The following RPS7 variants were observed in gnomAD, a reference collection of about 807,000 sequenced individuals.
RPS7 encodes the protein ribosomal protein S7, also known as small ribosomal subunit protein eS7.
In RPS7, 1 loss-of-function variant was observed where a neutral mutation model predicts 22.1. That is an observed-to-expected ratio of 0.05 (90% confidence interval 0.02 to 0.21). The LOEUF is 0.21. Ranked by LOEUF, RPS7 falls within the 10% of genes least tolerant of loss-of-function variation. The pLI is 1.00. For missense variants in RPS7, 137 were observed against 246.4 expected (o/e 0.56, Z 2.97); for synonymous variants, 80 against 92.0 (o/e 0.87, Z 0.74).
chr2:3,576,031 G>C (rs1236658220), intron 3 of RPS7, 143 bp downstream of exon 3: 1 of 717,882 alleles, frequency 1.4e-6, no homozygotes, highest in African/African-American at 1.7e-5. Context: ...CGTGTTGTTT[G>C]GGAGTGATAC....
chr2:3,575,933 T>G, intron 3 of RPS7, 45 bp downstream of exon 3: 3 of 1,424,676 alleles, frequency 2.1e-6, no homozygotes, highest in Non-Finnish European at 2.9e-6. Flanking sequence ...GCGGCGCGTC[T>G]CCCCGCGCAG....
chr2:3,578,967 C>T (rs753906284), intron 5 of RPS7: 5 of 152,174 alleles, frequency 3.3e-5, no homozygotes, highest in Admixed American at 1.3e-4. Context: ...TTTTCCAATC[C>T]GGCTTCCTGC....
intron 6 of RPS7, chr2:3,580,587 G>T (rs1661383264): frequency 3.2e-6 from 2 of 622,268 alleles, no homozygotes; most frequent in Non-Finnish European, 5.7e-6. Context: ...GGTGACTGCT[G>T]GGGTCCCCTG....
Position 3,575,323 on chromosome 2 carries a change from G to C in RPS7, c.-46G>C, listed in dbSNP as rs1025504459. 3 of 497,518 alleles carry C rather than the reference G, an allele frequency of 6.0e-6. No homozygotes were observed. In the East Asian group the frequency reaches 1.1e-4, roughly 18 times the overall value. 30.8% of individuals were successfully genotyped at this position (497,518 alleles called of 1,614,324 possible). On this transcript the variant is annotated 5_prime_UTR_variant, in exon 1 of 7. Transcript: ENST00000645674. ...TTTGACGTGCTCTCGCGAGATTTGG[G>C]TCTCTTCCTAAGCCGGCGCTCGGCA... is the stretch of plus-strand genomic sequence containing the variant.
chr2:3,575,708 G>C, intron 2 of RPS7, 24 bp downstream of exon 2: 1 of 1,608,266 alleles, frequency 6.2e-7, no homozygotes, highest in Middle Eastern at 2.1e-4. Flanking sequence ...CCTGGGGTCT[G>C]GGGTGGGGGG....
chr2:3,577,878 T>C (rs1572359314), intron 5 of RPS7, 104 bp downstream of exon 5: 1 of 798,238 alleles, frequency 1.3e-6, no homozygotes, highest in Non-Finnish European at 2.2e-6. Context: ...GTGGGAATTT[T>C]TGAGTAGCAG....
chr2:3,578,152 A>G (rs1661326826), intron 5 of RPS7: 1 of 183,460 alleles, frequency 5.5e-6, no homozygotes, highest in African/African-American at 2.4e-5. Context: ...AGGTAAAAAA[A>G]TGTAGGTGGA....
Position 3,580,897 on chromosome 2 carries a change from A to G in RPS7, c.*15A>G. On this transcript the variant is annotated 3_prime_UTR_variant, in exon 7 of 7. Transcript: ENST00000645674. ...TTCAATTGTAAACAAAAATGACTAA[A>G]TAAAAAGTATATATTCACAGTACTC... The G allele has an allele frequency of 7.3e-7, 1 of 1,360,716 alleles. No individual in the cohort carries two copies. Among genetic ancestry groups the G allele is most frequent in the Non-Finnish European group, 1.0e-6 (1 of 957,112 alleles). The allele number at this position is 1,360,716 out of a possible 1,614,324, so 84.3% of individuals were successfully genotyped here. A position where few individuals can be genotyped will look rare whatever the true frequency, so the allele number is the denominator to read the frequency against.
At chr2:3,576,072 ACCCTGCGGCTTAAGCTGT>A (rs1327841595) in intron 3 of RPS7, 184 bp downstream of exon 3, 1 of 651,836 alleles carries the variant, frequency 1.5e-6, no homozygotes. Context: ...GGTTGCAGGT[ACCCTGCGGCTTAAGCTGT>A]CCACATGCGG....
intron 5 of RPS7, 173 bp downstream of exon 5, chr2:3,577,947 A>T: frequency 3.3e-6 from 2 of 614,308 alleles, no homozygotes; most frequent in Non-Finnish European, 5.8e-6. Flanking sequence ...TGTAAAACAT[A>T]CATGTATTCA....
At chr2:3,580,609 G>A (rs1298914524) in intron 6 of RPS7, 196 bp from the exon 7 acceptor site, 10 of 625,194 alleles carry the variant, frequency 1.6e-5, no homozygotes, top group Non-Finnish European at 2.8e-5. Context: ...TGGCTTCCCC[G>A]GTGCAGTGGT....
At chr2:3,576,011 C>A (rs998241816) in intron 3 of RPS7, 123 bp downstream of exon 3, 2 of 769,670 alleles carry the variant, frequency 2.6e-6, no homozygotes, top group African/African-American at 3.4e-5. Flanking sequence ...AACCTGAACT[C>A]AGGTTCGGCC....
In RPS7 at chr2:3,577,706, A is replaced by G; in HGVS notation, c.292-4A>G. On this transcript the variant is annotated splice_region_variant and splice_polypyrimidine_tract_variant and intron_variant, in intron 4 of 6. Transcript: ENST00000645674. ...TTTGTTACATGATAATTTTTACCTT[A>G]CAGAGGAGAATTCTGCCTAAGCCAA... is the stretch of plus-strand genomic sequence containing the variant. 3 of 1,607,154 alleles carry G rather than the reference A, an allele frequency of 1.9e-6. No homozygotes were observed. Among genetic ancestry groups the G allele is most frequent in the African/African-American group, 1.3e-5 (1 of 74,884 alleles).
chr2:3,578,210 C>G (rs1172520436), intron 5 of RPS7: 4 of 161,394 alleles, frequency 2.5e-5, no homozygotes, highest in Non-Finnish European at 5.4e-5. Context: ...GTTGAAGATG[C>G]TGATGGAAAA....
chr2:3,577,158 A>C, intron 4 of RPS7: 1 of 191,414 alleles, frequency 5.2e-6, no homozygotes, highest in Non-Finnish European at 1.1e-5. Flanking sequence ...ACACGGTGAA[A>C]CCCCGTCTGT....
chr2:3,580,494 G>A (rs1345117373), intron 6 of RPS7: 1 of 646,104 alleles, frequency 1.5e-6, no homozygotes, highest in African/African-American at 1.8e-5. Context: ...TCTTTCTGTG[G>A]TCTTTTAGTT....
rs1292709485 is a variant in RPS7, at chr2:3,580,859, G to C, written c.562G>C (p.Glu188Gln). 6.3e-7 allele frequency: 1 copy of C among 1,574,910 alleles called. No homozygotes were observed. The highest frequency in any genetic ancestry group is 1.3e-5 in the African/African-American group (1 of 74,148). Residue 188 changes from glutamate (E) to glutamine (Q), a missense_variant, in exon 7 of 7, where the codon GAA becomes CAA. By Grantham distance (29) the Glu-to-Gln change is conservative. Coordinates refer to ENST00000645674, the MANE Select transcript of RPS7 (RefSeq NM_001011.4). Reference protein sequence around the residue: ...KKLTGKDVNFEFPEFQL With the variant: ...KKLTGKDVNFQFPEFQL ...GCTCACGGGCAAGGATGTTAATTTT[G>C]AATTCCCAGAGTTTCAATTGTAAAC...
At chr2:3,575,789 G>A (rs2147819245) in intron 2 of RPS7, 28 bp from the exon 3 acceptor site, 1 of 1,609,116 alleles carries the variant, frequency 6.2e-7, no homozygotes, top group South Asian at 1.1e-5. Flanking sequence ...CGCGCTCAGG[G>A]TCGGTCCTGC....
In RPS7 at chr2:3,575,884, C is replaced by T. The variant is rs1427022506; in HGVS notation, c.143C>T (p.Ala48Val). 5 of 1,606,426 alleles carry T rather than the reference C, an allele frequency of 3.1e-6. No individual in the cohort carries two copies. Among genetic ancestry groups the T allele is most frequent in the East Asian group, 4.5e-5 (2 of 44,736 alleles). Residue 48 changes from alanine to valine, a missense_variant, in exon 3 of 7, where the codon GCT becomes GTT. Ala to Val is a moderately conservative substitution (Grantham distance 64, BLOSUM62 0). Transcript: ENST00000645674. ...CTCAGGGAGCTGAATATTACGGCAG[C>T]TAAGGTAAGCTGGCGCTCCCTCGGC... ...AQLRELNITA[A>V]KEIEVGGGRK...
Sources: gnomAD v4.1 joint callset for allele counts on GRCh38, gnomAD v4.1.1 for gene constraint, MANE v1.5 for transcripts, NCBI Gene and HGNC (gene_info 2026-07-23, HGNC 2026-07-21) for gene names.